BICD1: variants seen among roughly 807,000 people sequenced by gnomAD.
The protein encoded by BICD1 is protein bicaudal D homolog 1.
In BICD1, 35 loss-of-function variants were observed where a neutral mutation model predicts 92.5. That is an observed-to-expected ratio of 0.38 (90% CI 0.29 to 0.50). The LOEUF (loss-of-function observed/expected upper bound fraction) is 0.50. Ranked by LOEUF, BICD1 falls within the 20% of genes least tolerant of loss-of-function variation. The pLI, the probability that BICD1 is intolerant of heterozygous loss-of-function variation, is 0.93. For missense variants in BICD1, 950 were observed against 1,189.8 expected (o/e 0.80, Z 2.97); for synonymous variants, 429 against 465.1 (o/e 0.92, Z 1.00).
intron 1 of BICD1, among the ~76,000 whole-genome samples, chr12:32,153,259 T>C (rs1201462918): frequency 2.6e-5 from 4 of 152,226 alleles, no homozygotes; most frequent in Non-Finnish European, 1.5e-5. Flanking sequence ...TGATTTTTTA[T>C]GGCTGCATAG....
At chr12:32,257,469 G>A (rs950057439) in intron 2 of BICD1, among the ~76,000 whole-genome samples, 132 of 152,198 alleles carry the variant, frequency 8.7e-4, no homozygotes, top group African/African-American at 3.1e-3. Flanking sequence ...AAAGACTTTA[G>A]AAAGGTATAG....
intron 1 of BICD1, among the ~76,000 whole-genome samples, chr12:32,176,496 T>C (rs541788600): frequency 5.9e-5 from 9 of 152,214 alleles, no homozygotes; most frequent in Admixed American, 2.6e-4. Flanking sequence ...TATACATGCA[T>C]GTATACAACC....
At chr12:32,117,709 TATACAC>T (rs1941971732) in intron 1 of BICD1, among the ~76,000 whole-genome samples, 4 of 85,204 alleles carry the variant, frequency 4.7e-5, no homozygotes, top group Non-Finnish European at 6.3e-5. Context: ...CACAAATATA[TATACAC>T]ACACACACAC....
intron 1 of BICD1, among the ~76,000 whole-genome samples, chr12:32,178,794 T>C (rs1944191319): frequency 6.6e-6 from 1 of 151,884 alleles, no homozygotes; most frequent in Admixed American, 6.6e-5. Context: ...GGTGGCTGGC[T>C]GGGTTGGTAA....
intron 1 of BICD1, among the ~76,000 whole-genome samples, chr12:32,151,509 G>A (rs1943287189): frequency 6.6e-6 from 1 of 152,150 alleles, no homozygotes; most frequent in Admixed American, 6.5e-5. Flanking sequence ...ACAATAAATG[G>A]CACACTGTTT....
Position 32,328,502 on chromosome 12 carries a change from A to T in BICD1, c.2047A>T (p.Thr683Ser). 6.2e-7 allele frequency: 1 copy of T among 1,614,196 alleles called. No individual in the cohort carries two copies. The highest frequency in any genetic ancestry group is 8.5e-7 in the Non-Finnish European group (1 of 1,180,024). ...CCTCAAGCTAAAGTCCCTGCTGAGC[A>T]CCAAACGGGAGCAGATCGCCACATT... ...EILKLKSLLS[T>S]KREQIATLRA... is the part of the protein sequence containing the mutation. Residue 683 changes from threonine (T) to serine (S), a missense_variant, in exon 5 of 10, where the codon ACC (threonine) becomes TCC (serine). Physicochemically the swap from Thr to Ser is moderately conservative, Grantham distance 58. Around this residue, in one of 5 missense-constraint regions of BICD1, gnomAD observed 309 missense variants for 499.4 expected, o/e 0.62. Coordinates refer to ENST00000652176, the MANE Select transcript of BICD1 (RefSeq NM_001714.4). This position sits in a 1 kb window ranked among gnomAD's most constrained non-coding sequence, Gnocchi z 4.4.
At chr12:32,367,931 G>C (rs1939587922) in intron 9 of BICD1, 186 bp downstream of exon 9, 4 of 571,266 alleles carry the variant, frequency 7.0e-6, no homozygotes, top group Non-Finnish European at 1.2e-5. Context: ...ATACAAGAGA[G>C]CTGGGGTTTA....
At chr12:32,155,220 C>T (rs1486372595) in intron 1 of BICD1, among the ~76,000 whole-genome samples, 1 of 152,202 alleles carries the variant, frequency 6.6e-6, no homozygotes, top group Non-Finnish European at 1.5e-5. Flanking sequence ...TGCATTATTT[C>T]AACGGCACAA....
chr12:32,193,798 C>T (rs1944644939), intron 1 of BICD1, among the ~76,000 whole-genome samples: 1 of 152,192 alleles, frequency 6.6e-6, no homozygotes, highest in African/African-American at 2.4e-5. Flanking sequence ...TAACACCAAT[C>T]CTTCTCAAAC....
At chr12:32,226,526 G>A (rs1426269974) in intron 2 of BICD1, among the ~76,000 whole-genome samples, 1 of 152,122 alleles carries the variant, frequency 6.6e-6, no homozygotes, top group African/African-American at 2.4e-5. Context: ...CACTTAGTCT[G>A]GGAAAAAATG....
intron 8 of BICD1, among the ~76,000 whole-genome samples, chr12:32,355,741 G>T (rs956249383): frequency 2.0e-5 from 3 of 152,030 alleles, no homozygotes; most frequent in African/African-American, 4.8e-5. Flanking sequence ...GGTGAAGATT[G>T]CAGTGAGCCG....
chr12:32,173,374 A>G (rs1266092458), intron 1 of BICD1, among the ~76,000 whole-genome samples: 2 of 152,136 alleles, frequency 1.3e-5, no homozygotes, highest in East Asian at 3.9e-4. Context: ...ATTGACCACC[A>G]TCCCTTGTCC....
intron 1 of BICD1, among the ~76,000 whole-genome samples, chr12:32,187,792 G>A (rs1253775200): frequency 2.0e-5 from 3 of 152,204 alleles, no homozygotes; most frequent in Non-Finnish European, 4.4e-5. Flanking sequence ...ATTTGGGTAA[G>A]GAATTCAGCA....
chr12:32,287,638 G>T (rs947990553), intron 2 of BICD1, among the ~76,000 whole-genome samples: 15 of 151,244 alleles, frequency 9.9e-5, no homozygotes, highest in African/African-American at 3.4e-4. Flanking sequence ...CTGGGTTCAC[G>T]CCATTCTCCT....
At chr12:32,255,297 C>A (rs1946686260) in intron 2 of BICD1, among the ~76,000 whole-genome samples, 1 of 152,106 alleles carries the variant, frequency 6.6e-6, no homozygotes, top group Admixed American at 6.6e-5. Flanking sequence ...TTCCCAAAGG[C>A]CCTATCTCCA....
chr12:32,182,905 T>G (rs1354618588), intron 1 of BICD1, among the ~76,000 whole-genome samples: 1 of 146,038 alleles, frequency 6.8e-6, no homozygotes, highest in Non-Finnish European at 1.5e-5. Context: ...TTTTTTTTTT[T>G]TTTTAAAGAG....
chr12:32,167,046 A>T (rs1242695683), intron 1 of BICD1, among the ~76,000 whole-genome samples: 1 of 152,120 alleles, frequency 6.6e-6, no homozygotes, highest in Non-Finnish European at 1.5e-5. Context: ...TAGATTTTAA[A>T]TTTTTCCACC....
At chr12:32,277,118 G>A (rs529850400) in intron 2 of BICD1, among the ~76,000 whole-genome samples, 58 of 152,324 alleles carry the variant, frequency 3.8e-4, no homozygotes, top group African/African-American at 1.3e-3. Context: ...CTGTGGCCAG[G>A]CACGGTGGCT....
At chr12:32,260,828 T>G (rs1366726273) in intron 2 of BICD1, among the ~76,000 whole-genome samples, 1 of 152,346 alleles carries the variant, frequency 6.6e-6, no homozygotes, top group East Asian at 1.9e-4. Flanking sequence ...GACAATTCAC[T>G]GTGTGGGTGA....
Sources: gnomAD v4.1 joint callset for allele counts (sites outside exome capture counted in the v4.1 genomes callset) on GRCh38, gnomAD v4.1.1 for gene constraint, gnomAD v4.1.1 regional missense constraint, Gnocchi (gnomAD v3.1) non-coding constraint, MANE v1.5 for transcripts, NCBI Gene and HGNC (gene_info 2026-07-23, HGNC 2026-07-21) for gene names.